The following BCAS3 variants were observed in gnomAD, a reference collection of about 807,000 sequenced individuals.
The protein encoded by BCAS3 is BCAS4/BCAS3 fusion.
In BCAS3, 53 loss-of-function variants were observed where a neutral mutation model predicts 116.1. The observed-to-expected ratio is 0.46, with a 90% CI of 0.37 to 0.57. The LOEUF (loss-of-function observed/expected upper bound fraction) is 0.57. Ranked by LOEUF, BCAS3 falls within the 20% of genes least tolerant of loss-of-function variation. BCAS3 has a pLI of 0.00. For missense variants in BCAS3, 917 were observed against 1,165.4 expected, an observed-to-expected ratio of 0.79 and a Z score of 3.10; for synonymous variants, 391 against 408.2, an observed-to-expected ratio of 0.96 and a Z score of 0.51.
chr17:60,685,000 T>A (rs746748566), intron 3 of BCAS3, among the ~76,000 whole-genome samples: 1 of 152,192 alleles, frequency 6.6e-6, no homozygotes, highest in Non-Finnish European at 1.5e-5. Flanking sequence ...GAAGGCTTAA[T>A]GAATGAGATG....
intron 7 of BCAS3, among the ~76,000 whole-genome samples, chr17:60,856,880 T>C (rs1158505263): frequency 1.3e-5 from 2 of 152,236 alleles, no homozygotes; most frequent in Non-Finnish European, 2.9e-5. Flanking sequence ...TGAAATTTGT[T>C]CTTTAAATAC....
At chr17:61,291,535 T>C (rs2052408757) in intron 22 of BCAS3, among the ~76,000 whole-genome samples, 1 of 152,208 alleles carries the variant, frequency 6.6e-6, no homozygotes, top group South Asian at 2.1e-4. Flanking sequence ...ATGTGGTTCA[T>C]ATTTGCCGGG....
intron 22 of BCAS3, among the ~76,000 whole-genome samples, chr17:61,115,949 G>T (rs1208523982): frequency 6.6e-6 from 1 of 151,496 alleles, no homozygotes; most frequent in African/African-American, 2.4e-5. Context: ...TAGGGACATG[G>T]ATGAAATTGG....
intron 7 of BCAS3, among the ~76,000 whole-genome samples, chr17:60,848,826 A>T (rs1307750044): frequency 1.3e-5 from 2 of 149,312 alleles, no homozygotes; most frequent in Non-Finnish European, 3.0e-5. Context: ...AGCCCCCTGA[A>T]GTAGCTGGGA....
rs983340656 is a variant in BCAS3 at position 60,681,096 on chromosome 17, T to G, written c.83+1556T>G. 2.6e-5 allele frequency among the ~76,000 whole-genome samples: 4 copies of G among 152,234 alleles called. No homozygotes were observed. In the East Asian group the frequency reaches 5.8e-4, roughly 22 times the overall value. On this transcript the variant is annotated intron_variant, in intron 2 of 23. Transcript: ENST00000407086. The stretch of plus-strand genomic sequence containing the variant: ...GGCAGGCGCCTGGAGCCTTAGCTAC[T>G]CGGGAGGCTGAGATGGGAGGATCAC...
At position 61,162,150 on chromosome 17, in the gene BCAS3, C is replaced by T. The variant is rs1175787653; in HGVS notation, c.2425+77586C>T. 1.3e-5 allele frequency among the ~76,000 whole-genome samples: 2 copies of T among 152,134 alleles called. No individual in the cohort carries two copies. Among genetic ancestry groups the T allele is most frequent in the Non-Finnish European group, 2.9e-5 (2 of 68,020 alleles). On this transcript the variant is annotated intron_variant, in intron 22 of 23. Coordinates refer to ENST00000407086, the MANE Select transcript of BCAS3 (RefSeq NM_017679.5). This position sits in a 1 kb window ranked among gnomAD's most constrained non-coding sequence, Gnocchi z 5.6. ...CCTGGTCCTGCACCATGTTTTTCTT[C>T]AGTAAAAATTGAAGATATTTTATTG...
chr17:61,124,073 G>T lies in BCAS3; in HGVS notation c.2425+39509G>T, dbSNP rs113143202. 7.5e-3 allele frequency among the ~76,000 whole-genome samples: 1,137 copies of T among 151,358 alleles called. 7 individuals are homozygous for T. Among genetic ancestry groups the T allele is most frequent in the African/African-American group, 0.018 (728 of 41,280 alleles). On this transcript the variant is annotated intron_variant, in intron 22 of 23. Coordinates refer to ENST00000407086, the MANE Select transcript of BCAS3 (RefSeq NM_017679.5). This position sits in a 1 kb window ranked among gnomAD's most constrained non-coding sequence, Gnocchi z 4.6. ...ATTTCAAACTTGTATCTAGGAGAGA[G>T]ATATATATATATACATATATATGTT...
rs996488420 is a variant in BCAS3 at position 61,204,514 on chromosome 17, C to T, written c.2425+119950C>T. ...GTGGAATATTTTTTAAGCTGAAATA[C>T]CCATGTTAAAAATAACAAAATGTGT... On this transcript the variant is annotated intron_variant, in intron 22 of 23. Transcript: ENST00000407086. This position sits in a 1 kb window ranked among gnomAD's most constrained non-coding sequence, Gnocchi z 4.2. Among the ~76,000 whole-genome samples, 1 of 152,182 alleles carries T rather than the reference C, an allele frequency of 6.6e-6. No individual in the cohort carries two copies. The highest frequency in any genetic ancestry group is 2.4e-5 in the African/African-American group (1 of 41,516).
Position 61,380,633 on chromosome 17 carries a change from C to T in BCAS3, c.2594-11344C>T. 1.3e-6 allele frequency: 2 copies of T among 1,514,036 alleles called. No homozygotes were observed. The highest frequency in any genetic ancestry group is 2.3e-5 in the South Asian group (2 of 87,346). The allele number at this position is 1,514,036 out of a possible 1,614,324, so 93.8% of individuals were successfully genotyped here. On this transcript the variant is annotated intron_variant, in intron 23 of 23. Coordinates refer to ENST00000407086, the MANE Select transcript of BCAS3 (RefSeq NM_017679.5). This position sits in a 1 kb window ranked among gnomAD's most constrained non-coding sequence, Gnocchi z 4.2. ...TTGTCCCGTTGCTTCTTTTGTCCCT[C>T]AAGAGGGTGCCCTCCTACCCCCTCG... is the stretch of plus-strand genomic sequence containing the variant.
At chr17:61,048,664 A>G (rs1032043314) in intron 19 of BCAS3, among the ~76,000 whole-genome samples, 1 of 152,028 alleles carries the variant, frequency 6.6e-6, no homozygotes, top group Admixed American at 6.6e-5. Context: ...ATGACCCACA[A>G]AGCCCAAAAT....
chr17:60,757,788 G>C (rs1034977400), intron 6 of BCAS3, among the ~76,000 whole-genome samples: 1 of 151,938 alleles, frequency 6.6e-6, no homozygotes. Flanking sequence ...GTATATTTTT[G>C]TTATAGTTGT....
chr17:60,759,296 C>G lies in BCAS3; in HGVS notation c.403+12017C>G, dbSNP rs143460091. 6.7e-3 allele frequency among the ~76,000 whole-genome samples: 1,015 copies of G among 152,314 alleles called. 6 individuals carry two copies. Among genetic ancestry groups the G allele is most frequent in the Non-Finnish European group, 9.9e-3 (673 of 68,030 alleles). On this transcript the variant is annotated intron_variant, in intron 6 of 23. Coordinates refer to ENST00000407086, the MANE Select transcript of BCAS3 (RefSeq NM_017679.5). ...TAAGAATGTATAACCAGCCTGGCAACATAGCAAGTCCCCATCTCTGTAAAG... is the reference window on the plus strand; with the variant it reads ...TAAGAATGTATAACCAGCCTGGCAAGATAGCAAGTCCCCATCTCTGTAAAG...
At chr17:60,853,917 A>G (rs2053416329) in intron 7 of BCAS3, among the ~76,000 whole-genome samples, 1 of 150,730 alleles carries the variant, frequency 6.6e-6, no homozygotes, top group African/African-American at 2.4e-5. Context: ...GTTTTTTTTT[A>G]TACTTTAAGT....
intron 6 of BCAS3, among the ~76,000 whole-genome samples, chr17:60,781,758 G>A (rs1023316240): frequency 5.9e-5 from 9 of 151,968 alleles, no homozygotes; most frequent in Non-Finnish European, 8.8e-5. Flanking sequence ...ACAATTATGT[G>A]TATTTCTTTA....
At chr17:60,906,870 A>T (rs1192686806) in intron 11 of BCAS3, among the ~76,000 whole-genome samples, 1 of 152,178 alleles carries the variant, frequency 6.6e-6, no homozygotes, top group Non-Finnish European at 1.5e-5. Flanking sequence ...CCTTAAGAAA[A>T]ATACTTAAGT....
At chr17:60,933,955 A>T (rs568006311) in intron 13 of BCAS3, among the ~76,000 whole-genome samples, 1 of 152,280 alleles carries the variant, frequency 6.6e-6, no homozygotes, top group African/African-American at 2.4e-5. Context: ...TTACTCTCTG[A>T]AGAATTAGTT....
intron 15 of BCAS3, chr17:61,003,694 A>G (rs2064441891): frequency 6.6e-6 from 1 of 152,070 alleles, no homozygotes; most frequent in Admixed American, 6.6e-5. Flanking sequence ...GAACCAAAAC[A>G]CTGACCTCAG....
intron 7 of BCAS3, among the ~76,000 whole-genome samples, chr17:60,855,571 C>T (rs1257112833): frequency 6.6e-6 from 1 of 151,576 alleles, no homozygotes; most frequent in Non-Finnish European, 1.5e-5. Context: ...TCTCCTGCCT[C>T]AGCCTCCTGA....
At chr17:60,820,192 C>A (rs1041256415) in intron 7 of BCAS3, among the ~76,000 whole-genome samples, 2 of 151,906 alleles carry the variant, frequency 1.3e-5, no homozygotes, top group Admixed American at 6.6e-5. Flanking sequence ...CTCAGCCTCC[C>A]GAGTAGCTGG....
Sources: allele counts gnomAD v4.1 joint callset (sites outside exome capture counted in the v4.1 genomes callset), GRCh38; gene constraint gnomAD v4.1.1; non-coding constraint Gnocchi (gnomAD v3.1); transcripts MANE v1.5; gene names NCBI Gene and HGNC (gene_info 2026-07-23, HGNC 2026-07-21).